Variants in MFSD12 observed in about 807,000 individuals in gnomAD.
The protein encoded by MFSD12 is major facilitator superfamily domain containing 12.
MFSD12 carries 67 observed loss-of-function variants against 51.2 expected under a neutral mutation model. That is an observed-to-expected ratio of 1.31 (90% CI 1.08 to 1.60). The LOEUF (loss-of-function observed/expected upper bound fraction) is 1.60, where lower values mean the gene tolerates loss of function less well. Ranked by LOEUF, MFSD12 falls within the 40% of genes most tolerant of loss-of-function variation. MFSD12 has a pLI of 0.00. For missense variants in MFSD12, 921 were observed against 673.0 expected, an observed-to-expected ratio of 1.37 and a Z score of -4.08; for synonymous variants, 441 against 316.7, an observed-to-expected ratio of 1.39 and a Z score of -4.17.
At chr19:3,543,120 G>GA (rs1345785268), downstream of MFSD12, 15 of 1,518,226 alleles carry the variant, frequency 9.9e-6, no homozygotes, top group Non-Finnish European at 1.8e-6. Flanking sequence ...GCGAGGGAGG[G>GA]AGACCCCACG....
chr19:3,542,857 G>T (rs763401347), downstream of MFSD12: 18 of 1,384,072 alleles, frequency 1.3e-5, 1 homozygote, highest in South Asian at 1.9e-4. Context: ...GCACCTCCAG[G>T]CCAGGGGGGC....
chr19:3,550,983 C>A lies in MFSD12; in HGVS notation c.509+1G>T, dbSNP rs1373528132. On this transcript the variant is annotated splice_donor_variant, in intron 2 of 9. Coordinates refer to ENST00000355415, the MANE Select transcript of MFSD12 (RefSeq NM_174983.5). LOFTEE classifies it high-confidence loss of function. ...GTGGGGGAGGGTGCCCAGGCTCCCA[C>A]CTGAGTGCCGTGAGCTCCACCTTCT... 5.6e-6 allele frequency: 9 copies of A among 1,610,370 alleles called. No homozygotes were observed. The highest frequency in any genetic ancestry group is 7.6e-6 in the Non-Finnish European group (9 of 1,179,444).
At position 3,544,517 on chromosome 19, in the gene MFSD12, A is replaced by C; in HGVS notation, c.*193T>G. ...TGAGAATGGGACACCCTCAAAACCC[A>C]GGGGGTCCTTGCAAGTCCCTGGCGG... On this transcript the variant is annotated 3_prime_UTR_variant, in exon 10 of 10. Coordinates refer to ENST00000355415, the MANE Select transcript of MFSD12 (RefSeq NM_174983.5). 4.3e-6 allele frequency: 6 copies of C among 1,405,468 alleles called. No individual in the cohort carries two copies. The highest frequency in any genetic ancestry group is 5.5e-6 in the Non-Finnish European group (6 of 1,082,520). The allele number at this position is 1,405,468 out of a possible 1,614,324, so 87.1% of individuals were successfully genotyped here.
At chr19:3,548,580 C>T (rs556835773) in intron 2 of MFSD12, among the ~76,000 whole-genome samples, 22 of 152,310 alleles carry the variant, frequency 1.4e-4, no homozygotes, top group African/African-American at 4.6e-4. Context: ...AGCCAGAATT[C>T]GAGAATTCTT....
chr19:3,546,995 C>T (rs1004711915), intron 6 of MFSD12, among the ~76,000 whole-genome samples: 1 of 152,166 alleles, frequency 6.6e-6, no homozygotes, highest in Non-Finnish European at 1.5e-5. Context: ...CACCAACGCC[C>T]GGCTAATTTT....
intron 2 of MFSD12, among the ~76,000 whole-genome samples, chr19:3,550,137 A>T (rs916360844): frequency 6.6e-6 from 1 of 152,162 alleles, no homozygotes; most frequent in Non-Finnish European, 1.5e-5. Context: ...GCCTTCCATA[A>T]GACGCTAGCC....
intron 1 of MFSD12, among the ~76,000 whole-genome samples, chr19:3,553,021 C>T (rs1424158061): frequency 2.0e-5 from 3 of 152,158 alleles, no homozygotes; most frequent in African/African-American, 4.8e-5. Context: ...ACCTCATCCC[C>T]AGACCCTGGG....
rs1346692188 is a variant in MFSD12, at chr19:3,544,870, C to T, written c.1359G>A (p.Val453=). 6.2e-7 allele frequency: 1 copy of T among 1,611,448 alleles called. No homozygotes were observed. The highest frequency in any genetic ancestry group is 8.5e-7 in the Non-Finnish European group (1 of 1,179,444). ...HWAMVAVTGG[V]GVAAALCLCS... ...AGAGACACAGGGCAGCGGCCACGCC[C>T]ACGCCGCCCGTCACAGCCACCATCG... is the stretch of plus-strand genomic sequence containing the variant. Residue 453 remains valine, a synonymous_variant, in exon 9 of 10, where the codon GTG becomes GTA. Transcript: ENST00000355415.
intron 1 of MFSD12, among the ~76,000 whole-genome samples, chr19:3,554,945 T>C (rs947910916): frequency 5.3e-5 from 8 of 152,224 alleles, no homozygotes; most frequent in Non-Finnish European, 1.0e-4. Flanking sequence ...CCCACCCAGG[T>C]GGCCCCCACC....
Position 3,544,484 on chromosome 19 carries a change from A to G in MFSD12, c.*226T>C. 7.2e-7 allele frequency: 1 copy of G among 1,385,076 alleles called. No homozygotes were observed. Among genetic ancestry groups the G allele is most frequent in the Non-Finnish European group, 9.3e-7 (1 of 1,071,920 alleles). The allele number at this position is 1,385,076 out of a possible 1,614,324, so 85.8% of individuals were successfully genotyped here. On this transcript the variant is annotated 3_prime_UTR_variant, in exon 10 of 10. Coordinates refer to ENST00000355415, the MANE Select transcript of MFSD12 (RefSeq NM_174983.5). Reference sequence around the variant, plus strand: ...CAAATCCTCCAGAGGGCTGGGATGGATTAGAGTTGAGAATGGGACACCCTC... The same window carrying G: ...CAAATCCTCCAGAGGGCTGGGATGGGTTAGAGTTGAGAATGGGACACCCTC...
Position 3,544,609 on chromosome 19 carries a change from G to C in MFSD12, c.*101C>G. On this transcript the variant is annotated 3_prime_UTR_variant, in exon 10 of 10. Transcript: ENST00000355415. ...GGTGAGGATGGAGGGTGGGGGTCCA[G>C]AGAAGAGTGAGGGGCAGTGGGGGCT... is the stretch of plus-strand genomic sequence containing the variant. The C allele has an allele frequency of 2.0e-6, 3 of 1,502,974 alleles. No individual in the cohort carries two copies. The highest frequency in any genetic ancestry group is 2.6e-5 in the South Asian group (2 of 76,406). 93.1% of individuals were successfully genotyped at this position (1,502,974 alleles called of 1,614,324 possible).
chr19:3,539,550 T>C (rs1336798827), downstream of MFSD12: 1 of 456,172 alleles, frequency 2.2e-6, no homozygotes, highest in Non-Finnish European at 4.0e-6. Flanking sequence ...CCCTCTGAAA[T>C]CCAGGCCTGT....
At chr19:3,540,492 A>AAG (rs2030294269), downstream of MFSD12, among the ~76,000 whole-genome samples, 1 of 151,030 alleles carries the variant, frequency 6.6e-6, no homozygotes, top group Non-Finnish European at 1.5e-5. Context: ...TCCTGACCTC[A>AAG]TGATCTGCCC....
chr19:3,544,409 C>T lies in MFSD12; in HGVS notation c.*301G>A, dbSNP rs1311772434. 1.5e-6 allele frequency: 2 copies of T among 1,323,758 alleles called. No homozygotes were observed. The highest frequency in any genetic ancestry group is 1.9e-6 in the Non-Finnish European group (2 of 1,038,286). 82.0% of individuals were successfully genotyped at this position (1,323,758 alleles called of 1,614,324 possible). A position where few individuals can be genotyped will look rare whatever the true frequency, so the allele number is the denominator to read the frequency against. On this transcript the variant is annotated 3_prime_UTR_variant, in exon 10 of 10. Coordinates refer to ENST00000355415, the MANE Select transcript of MFSD12 (RefSeq NM_174983.5). ...ACTGAGCTCAGGGTTAGGGTTCCCC[C>T]AGACCCTTCTGGGATTCCTACTTCC...
In MFSD12 at chr19:3,544,223, C is replaced by G. The variant is rs886392553; in HGVS notation, c.*487G>C. 14 of 1,342,018 alleles carry G rather than the reference C, an allele frequency of 1.0e-5. No homozygotes were observed. The highest frequency in any genetic ancestry group is 1.3e-5 in the Non-Finnish European group (14 of 1,048,462). 83.1% of individuals were successfully genotyped at this position (1,342,018 alleles called of 1,614,324 possible). ...CTGCCGTCATCTCTTTATTTGCTGC[C>G]AGCAGAGTCCACCAAGCCTGCCGGG... On this transcript the variant is annotated 3_prime_UTR_variant, in exon 10 of 10. Transcript: ENST00000355415.
At chr19:3,549,596 G>C (rs2031344599) in intron 2 of MFSD12, among the ~76,000 whole-genome samples, 1 of 151,788 alleles carries the variant, frequency 6.6e-6, no homozygotes, top group South Asian at 2.1e-4. Flanking sequence ...GGTGGCGGGT[G>C]CCTGTAGTCC....
chr19:3,548,195 C>T lies in MFSD12; in HGVS notation c.582G>A (p.Ser194=), dbSNP rs189224095. 6.2e-5 allele frequency: 97 copies of T among 1,573,748 alleles called. 1 individual carries two copies. The highest frequency in any genetic ancestry group is 5.8e-4 in the African/African-American group (43 of 74,026). The stretch of plus-strand genomic sequence containing the variant: ...TGTCTTGGGTGGGCTCCACCCGCGA[C>T]GAGCCCTGCAGGTGCAGCAGGAGCC... ...AAWLLLHLQG[S]SRVEPTQDIS... is the part of the protein sequence containing the mutation. The change falls in exon 3 of 10, where the codon TCG becomes TCA. Residue 194 remains serine, a synonymous_variant. Transcript: ENST00000355415.
rs367914264 is a variant in MFSD12, at chr19:3,557,251, G to A, written c.153C>T (p.Arg51=). Residue 51 remains arginine (R), a synonymous_variant, in exon 1 of 10, where the codon CGC becomes CGT. Transcript: ENST00000355415. Reference sequence around the variant, plus strand: ...GCCCCGCGCCGCGGGAGCTGTAGGCGCGCACCGAGTGCAGGTAGAGCAGCA... The same window carrying A: ...GCCCCGCGCCGCGGGAGCTGTAGGCACGCACCGAGTGCAGGTAGAGCAGCA... ...TYLLLYLHSV[R]AYSSRGAGLL... is the part of the protein sequence containing the mutation. The A allele has an allele frequency of 3.7e-4, 587 of 1,596,532 alleles. No homozygotes were observed. Among genetic ancestry groups the A allele is most frequent in the Non-Finnish European group, 4.7e-4 (555 of 1,173,232 alleles).
At position 3,547,742 on chromosome 19, in the gene MFSD12, C is replaced by T. The variant is rs2031192175; in HGVS notation, c.837+106G>A. ...ACGTTTGCCCTGGGTGTGGGCTGCA[C>T]CAGGGGCCACGTGTGCTCTGCGTCT... On this transcript the variant is annotated intron_variant, in intron 4 of 9. Coordinates refer to ENST00000355415, the MANE Select transcript of MFSD12 (RefSeq NM_174983.5). 4 of 1,366,444 alleles carry T rather than the reference C, an allele frequency of 2.9e-6. No homozygotes were observed. The Admixed American group carries it at 1.1e-4, about 38-fold the overall frequency. 84.6% of individuals were successfully genotyped at this position (1,366,444 alleles called of 1,614,324 possible).
Sources: allele counts gnomAD v4.1 joint callset (sites outside exome capture counted in the v4.1 genomes callset), GRCh38; gene constraint gnomAD v4.1.1; transcripts MANE v1.5; gene names NCBI Gene and HGNC (gene_info 2026-07-23, HGNC 2026-07-21).